CELF2: variants seen among roughly 807,000 people sequenced by gnomAD.
CELF2 encodes CUG triplet repeat RNA-binding protein 2.
CELF2 carries 8 observed loss-of-function variants against 62.6 expected under a neutral mutation model. The ratio of observed to expected loss-of-function variants is 0.13; its 90% CI spans 0.07 to 0.23. The LOEUF (loss-of-function observed/expected upper bound fraction) is 0.23, where lower values mean the gene tolerates loss of function less well. CELF2 is among the 10% of genes least tolerant of loss of function. The pLI, the probability that CELF2 is intolerant of heterozygous loss-of-function variation, is 1.00. For missense variants in CELF2, 333 were observed against 671.0 expected (o/e 0.50, Z 5.56); for synonymous variants, 258 against 250.0 (o/e 1.03, Z -0.30).
At chr10:10,645,329 T>A in the CELF2 span, among the ~76,000 whole-genome samples, 1 of 152,162 alleles carries the variant, frequency 6.6e-6, no homozygotes, top group Non-Finnish European at 1.5e-5. Context: ...CTGCTCATGA[T>A]TTACTTTTAA....
intron 1 of CELF2, among the ~76,000 whole-genome samples, chr10:10,812,820 A>T (rs184651128): frequency 6.6e-6 from 1 of 152,294 alleles, no homozygotes; most frequent in African/African-American, 2.4e-5. Context: ...TGTCTGGAAG[A>T]TAGGCAGGGT....
At position 11,165,190 on chromosome 10, in the gene CELF2, T is replaced by G; in HGVS notation, c.75-296T>G. 8.1e-7 allele frequency: 1 copy of G among 1,235,460 alleles called. No homozygotes were observed. The highest frequency in any genetic ancestry group is 1.0e-6 in the Non-Finnish European group (1 of 983,402). 76.5% of individuals were successfully genotyped at this position (1,235,460 alleles called of 1,614,324 possible). A position where few individuals can be genotyped will look rare whatever the true frequency, so the allele number is the denominator to read the frequency against. ...GCTAGACCTGCACTTAACTTGCAGCTGCCTCCCGAGCCTCCAAGATGTCCA... is the reference window on the plus strand; with the variant it reads ...GCTAGACCTGCACTTAACTTGCAGCGGCCTCCCGAGCCTCCAAGATGTCCA... On this transcript the variant is annotated intron_variant, in intron 1 of 12. Coordinates refer to ENST00000633077, the MANE Select transcript of CELF2 (RefSeq NM_001326342.2). The surrounding 1 kb of genome is among the most constrained non-coding windows in gnomAD (Gnocchi z 7.4).
intron 2 of CELF2, among the ~76,000 whole-genome samples, chr10:10,942,698 A>G (rs1452731397): frequency 6.6e-6 from 1 of 152,224 alleles, no homozygotes; most frequent in East Asian, 1.9e-4. Context: ...GAATACCAAG[A>G]GGTAGGGATC....
Position 11,133,785 on chromosome 10 carries a change from C to T in CELF2, c.75-31701C>T, listed in dbSNP as rs76888075. On this transcript the variant is annotated intron_variant, in intron 1 of 12. Coordinates refer to ENST00000633077, the MANE Select transcript of CELF2 (RefSeq NM_001326342.2). Reference sequence around the variant, plus strand: ...ACTTTGGGGTCTCTGCTGACCCAGACTCTCTTCCCTGGAGTTCTAGTAAAA... The same window carrying T: ...ACTTTGGGGTCTCTGCTGACCCAGATTCTCTTCCCTGGAGTTCTAGTAAAA... 2.0e-3 allele frequency among the ~76,000 whole-genome samples: 306 copies of T among 152,292 alleles called. 3 individuals carry two copies. The highest frequency in any genetic ancestry group is 7.2e-3 in the African/African-American group (298 of 41,558).
At chr10:10,796,397 G>A (rs530429747), upstream of CELF2, among the ~76,000 whole-genome samples, 2 of 152,290 alleles carry the variant, frequency 1.3e-5, no homozygotes, top group East Asian at 1.9e-4. Flanking sequence ...TTTATTTGAA[G>A]GAACATTCTA....
chr10:10,499,052 C>A, the CELF2 span, among the ~76,000 whole-genome samples: 1 of 148,742 alleles, frequency 6.7e-6, no homozygotes, highest in East Asian at 2.0e-4. Flanking sequence ...AATACTGGAT[C>A]TTTCCCAAGC....
chr10:10,677,965 T>C, the CELF2 span, among the ~76,000 whole-genome samples: 3 of 152,188 alleles, frequency 2.0e-5, no homozygotes, highest in African/African-American at 7.2e-5. Flanking sequence ...GGGTGACTTT[T>C]GAAAGACAGT....
At chr10:11,054,668 A>T (rs1208329308) in intron 1 of CELF2, among the ~76,000 whole-genome samples, 1 of 152,190 alleles carries the variant, frequency 6.6e-6, no homozygotes, top group Admixed American at 6.5e-5. Context: ...GGTCAAATGA[A>T]AGTCACGACA....
intron 1 of CELF2, among the ~76,000 whole-genome samples, chr10:10,833,945 A>T (rs117723189): frequency 0.13 from 19,407 of 152,256 alleles, 1,612 homozygotes; most frequent in Non-Finnish European, 0.19. Flanking sequence ...CATTCAACCC[A>T]GCAATCCCAT....
chr10:11,282,190 T>C (rs1198276116), intron 8 of CELF2, among the ~76,000 whole-genome samples: 1 of 144,964 alleles, frequency 6.9e-6, no homozygotes, highest in Non-Finnish European at 1.5e-5. Flanking sequence ...CCTTCTAAAC[T>C]TCTCTCAGAT....
the CELF2 span, among the ~76,000 whole-genome samples, chr10:10,773,405 C>T: frequency 6.6e-6 from 1 of 152,208 alleles, no homozygotes; most frequent in African/African-American, 2.4e-5. Flanking sequence ...GTGATTAAGG[C>T]TCCGACATTA....
chr10:10,752,471 A>C, the CELF2 span, among the ~76,000 whole-genome samples: 1 of 152,056 alleles, frequency 6.6e-6, no homozygotes, highest in Non-Finnish European at 1.5e-5. Flanking sequence ...TGGGCAGATC[A>C]TGAGGTCAGG....
rs1020925149 is a variant in CELF2 at position 11,098,573 on chromosome 10, T to C, written c.75-66913T>C. 3.3e-5 allele frequency: 5 copies of C among 152,180 alleles called. No homozygotes were observed. The highest frequency in any genetic ancestry group is 7.3e-5 in the Non-Finnish European group (5 of 68,034). The allele number at this position is 152,180 out of a possible 1,614,324, so 9.4% of individuals were successfully genotyped here. A position where few individuals can be genotyped will look rare whatever the true frequency, so the allele number is the denominator to read the frequency against. Reference sequence around the variant, plus strand: ...CAAAAAGAGATAACAGACACTGAAATCATCACATATTCCTTTAGAAAGGCA... The same window carrying C: ...CAAAAAGAGATAACAGACACTGAAACCATCACATATTCCTTTAGAAAGGCA... On this transcript the variant is annotated intron_variant, in intron 1 of 12. Transcript: ENST00000633077. This position sits in a 1 kb window ranked among gnomAD's most constrained non-coding sequence, Gnocchi z 4.0.
At chr10:11,288,580 C>T in intron 9 of CELF2, 28 bp downstream of exon 9, 3 of 1,611,270 alleles carry the variant, frequency 1.9e-6, no homozygotes, top group Non-Finnish European at 2.5e-6. Context: ...TCTTCCCTTG[C>T]AGGTGATGCA....
At chr10:11,106,323 G>C (rs1175486064) in intron 1 of CELF2, among the ~76,000 whole-genome samples, 1 of 151,674 alleles carries the variant, frequency 6.6e-6, no homozygotes, top group South Asian at 2.1e-4. Context: ...TGCAGCCTCC[G>C]CCTCCCAGGT....
chr10:10,556,245 A>G, the CELF2 span, among the ~76,000 whole-genome samples: 2 of 151,186 alleles, frequency 1.3e-5, no homozygotes, highest in East Asian at 3.9e-4. Flanking sequence ...ATGTGTTCTC[A>G]TTGTTCACTT....
At chr10:11,254,463 ATCTT>A (rs2078087281) in intron 4 of CELF2, among the ~76,000 whole-genome samples, 1 of 152,236 alleles carries the variant, frequency 6.6e-6, no homozygotes, top group African/African-American at 2.4e-5. Flanking sequence ...AGTGCGAGTT[ATCTT>A]TCTTCTTGTT....
chr10:11,033,106 T>C (rs1449234337), intron 1 of CELF2, among the ~76,000 whole-genome samples: 1 of 152,198 alleles, frequency 6.6e-6, no homozygotes, highest in African/African-American at 2.4e-5. Context: ...TTGTTACAGC[T>C]TTTGAAGCAA....
the CELF2 span, among the ~76,000 whole-genome samples, chr10:10,677,629 T>G: frequency 1.3e-5 from 2 of 152,204 alleles, no homozygotes; most frequent in Non-Finnish European, 2.9e-5. Flanking sequence ...CCTCCATTAG[T>G]GTAGCCAAGC....
Sources: allele counts gnomAD v4.1 joint callset (sites outside exome capture counted in the v4.1 genomes callset), GRCh38; gene constraint gnomAD v4.1.1; non-coding constraint Gnocchi (gnomAD v3.1); transcripts MANE v1.5; gene names NCBI Gene and HGNC (gene_info 2026-07-23, HGNC 2026-07-21).